The following GSDME variants were observed in gnomAD, a reference collection of about 807,000 sequenced individuals.
The protein encoded by GSDME is gasdermin E, also known as gasdermin-E.
A neutral mutation model predicts 47.5 loss-of-function variants in GSDME; 44 were observed. The ratio of observed to expected loss-of-function variants is 0.93; its 90% confidence interval spans 0.73 to 1.19. The LOEUF (loss-of-function observed/expected upper bound fraction) is 1.19. GSDME is among the 50% of genes most tolerant of loss of function. The probability of loss-of-function intolerance (pLI) is 0.00; values close to 1 mark genes in which losing one functional copy is unlikely to be tolerated. For synonymous variants in GSDME, 258 were observed against 252.8 expected (o/e 1.02, Z -0.20); for missense variants, 663 against 604.2 (o/e 1.10, Z -1.02).
intron 2 of GSDME, among the ~76,000 whole-genome samples, chr7:24,748,722 G>A (rs570004285): frequency 3.3e-4 from 50 of 152,056 alleles, no homozygotes; most frequent in South Asian, 1.0e-3. Flanking sequence ...GAGATTCCAG[G>A]TGCTCTGTCC....
rs1367115816 is a variant in GSDME at position 24,721,776 on chromosome 7, C to G, written c.405-2558G>C. 6.6e-6 allele frequency among the ~76,000 whole-genome samples: 1 copy of G among 152,186 alleles called. No homozygotes were observed. The highest frequency in any genetic ancestry group is 2.4e-5 in the African/African-American group (1 of 41,444). On this transcript the variant is annotated intron_variant, in intron 3 of 9. Coordinates refer to ENST00000645220, the MANE Select transcript of GSDME (RefSeq NM_001127453.2). This position sits in a 1 kb window ranked among gnomAD's most constrained non-coding sequence, Gnocchi z 4.1. ...CTCCCTTCTTAAAAGCCTTCAATGG[C>G]TATATCCCATGTCCAGTGCGTTCCC...
At chr7:24,700,682 A>G (rs1164778911) in intron 9 of GSDME, among the ~76,000 whole-genome samples, 2 of 152,218 alleles carry the variant, frequency 1.3e-5, no homozygotes, top group Non-Finnish European at 2.9e-5. Context: ...TACAACTCAC[A>G]CAATGTAACC....
rs149368687 is a variant in GSDME, at chr7:24,748,144, G to GTATA, written c.211+1416_211+1419dup. On this transcript the variant is annotated intron_variant, in intron 2 of 9. Transcript: ENST00000645220. Reference sequence around the variant, plus strand: ...AAGGAGTGTATAAAAATTATATAGAGTATATATATATATATATATATATAT... The same window carrying GTATA: ...AAGGAGTGTATAAAAATTATATAGAGTATATATATATATATATATATATATATAT... Among the ~76,000 whole-genome samples the GTATA allele has an allele frequency of 6.5e-3, 923 of 140,934 alleles. 4 individuals carry two copies. Among genetic ancestry groups the GTATA allele is most frequent in the Non-Finnish European group, 0.011 (717 of 65,428 alleles). The allele number at this position is 140,934 out of a possible 152,430, so 92.5% of individuals were successfully genotyped here. A position where few individuals can be genotyped will look rare whatever the true frequency, so the allele number is the denominator to read the frequency against.
the GSDME span, among the ~76,000 whole-genome samples, chr7:24,770,105 T>C: frequency 6.6e-6 from 1 of 152,162 alleles, no homozygotes; most frequent in Admixed American, 6.5e-5. The surrounding 1 kb of genome is among the most constrained non-coding windows in gnomAD (Gnocchi z 4.6). Flanking sequence ...GTTGGAACTT[T>C]CAGCCCTACA....
the GSDME span, among the ~76,000 whole-genome samples, chr7:24,788,689 T>C: frequency 6.6e-6 from 1 of 152,360 alleles, no homozygotes. This position sits in a 1 kb window ranked among gnomAD's most constrained non-coding sequence, Gnocchi z 4.6. Flanking sequence ...AACTAATGGC[T>C]TGGAACTTAT....
At chr7:24,703,200 A>T in intron 8 of GSDME, 1 of 348,848 alleles carries the variant, frequency 2.9e-6, no homozygotes, top group South Asian at 2.3e-5. Context: ...TTCAGGCTGC[A>T]GCCTCAGGTA....
At position 24,744,683 on chromosome 7, in the gene GSDME, C is replaced by G; in HGVS notation, c.283G>C (p.Ala95Pro). 1.2e-6 allele frequency: 2 copies of G among 1,614,204 alleles called. No individual in the cohort carries two copies. Among genetic ancestry groups the G allele is most frequent in the South Asian group, 2.2e-5 (2 of 91,090 alleles). Reference sequence around the variant, plus strand: ...AGGTTCAGCTTGACCTTCCCCAGTGCAGTCTCCAGGGTTCCACTCACGTGG... The same window carrying G: ...AGGTTCAGCTTGACCTTCCCCAGTGGAGTCTCCAGGGTTCCACTCACGTGG... ...ANHVSGTLET[A>P]LGKVKLNLGG... is the part of the protein sequence containing the mutation. The change falls in exon 3 of 10, where the codon GCA (alanine) becomes CCA (proline). Residue 95 changes from alanine (A) to proline (P), a missense_variant. Coordinates refer to ENST00000645220, the MANE Select transcript of GSDME (RefSeq NM_001127453.2). The surrounding 1 kb of genome is among the most constrained non-coding windows in gnomAD (Gnocchi z 4.5).
chr7:24,768,517 G>A, the GSDME span, among the ~76,000 whole-genome samples: 1 of 152,084 alleles, frequency 6.6e-6, no homozygotes, highest in African/African-American at 2.4e-5. The surrounding 1 kb of genome is among the most constrained non-coding windows in gnomAD (Gnocchi z 5.6). Context: ...TTAGTCCTTG[G>A]GACCCATTCA....
chr7:24,776,000 T>G, the GSDME span, among the ~76,000 whole-genome samples: 1 of 147,994 alleles, frequency 6.8e-6, no homozygotes, highest in African/African-American at 2.5e-5. Context: ...ACCAACATGG[T>G]GAAACCTCGT....
the GSDME span, among the ~76,000 whole-genome samples, chr7:24,777,330 A>T: frequency 6.6e-6 from 1 of 152,124 alleles, no homozygotes; most frequent in Non-Finnish European, 1.5e-5. Flanking sequence ...CAGAGACCAC[A>T]CCCATGGGCT....
intron 3 of GSDME, among the ~76,000 whole-genome samples, chr7:24,730,204 C>A (rs1007203610): frequency 1.4e-4 from 22 of 152,188 alleles, no homozygotes; most frequent in African/African-American, 5.3e-4. Context: ...CATCTGCTCA[C>A]CTGAATTCTA....
At chr7:24,720,491 G>A (rs905186287) in intron 3 of GSDME, among the ~76,000 whole-genome samples, 7 of 152,186 alleles carry the variant, frequency 4.6e-5, no homozygotes, top group Non-Finnish European at 1.0e-4. Flanking sequence ...ACTGGAGTGA[G>A]TAGCTAGGAA....
the GSDME span, among the ~76,000 whole-genome samples, chr7:24,775,214 T>A: frequency 2.0e-5 from 3 of 152,184 alleles, no homozygotes; most frequent in Admixed American, 6.5e-5. Flanking sequence ...CTGAACTCTA[T>A]CGTAAGTCTA....
chr7:24,710,884 GTCTGCAGTTA>G (rs1789327743), intron 5 of GSDME, among the ~76,000 whole-genome samples: 2 of 152,128 alleles, frequency 1.3e-5, no homozygotes, highest in African/African-American at 4.8e-5. Flanking sequence ...AAATACTGAT[GTCTGCAGTTA>G]TATGAATGAA....
chr7:24,738,395 A>ATATC (rs1470284287), intron 3 of GSDME, among the ~76,000 whole-genome samples: 1 of 152,136 alleles, frequency 6.6e-6, no homozygotes, highest in Admixed American at 6.5e-5. Flanking sequence ...ATAAAATTAA[A>ATATC]TATCTACAAA....
rs1789887407 is a variant in GSDME at position 24,724,128 on chromosome 7, T to C, written c.405-4910A>G. On this transcript the variant is annotated intron_variant, in intron 3 of 9. Coordinates refer to ENST00000645220, the MANE Select transcript of GSDME (RefSeq NM_001127453.2). This position sits in a 1 kb window ranked among gnomAD's most constrained non-coding sequence, Gnocchi z 4.8. The stretch of plus-strand genomic sequence containing the variant: ...GGGGAGGGGCTTTTCACCTTTTCTC[T>C]TTTGACCTTTTGACATTTAAACCAT... 6.6e-6 allele frequency among the ~76,000 whole-genome samples: 1 copy of C among 151,962 alleles called. No homozygotes were observed. Among genetic ancestry groups the C allele is most frequent in the Non-Finnish European group, 1.5e-5 (1 of 68,006 alleles).
In GSDME at chr7:24,733,098, T is replaced by C. The variant is rs749851839; in HGVS notation, c.404+11464A>G. Among the ~76,000 whole-genome samples, 1 of 151,956 alleles carries C rather than the reference T, an allele frequency of 6.6e-6. No homozygotes were observed. Among genetic ancestry groups the C allele is most frequent in the Non-Finnish European group, 1.5e-5 (1 of 68,008 alleles). On this transcript the variant is annotated intron_variant, in intron 3 of 9. Transcript: ENST00000645220. This position sits in a 1 kb window ranked among gnomAD's most constrained non-coding sequence, Gnocchi z 4.3. ...GAATACCAGCTCAGCCACAGTAGGA[T>C]AGGGCACCAGGCAGAGTTGTGAGGC... is the stretch of plus-strand genomic sequence containing the variant.
chr7:24,711,249 G>C (rs1460146147), intron 5 of GSDME, among the ~76,000 whole-genome samples: 2 of 152,084 alleles, frequency 1.3e-5, no homozygotes, highest in Non-Finnish European at 2.9e-5. Context: ...TGTTCTTTTT[G>C]AGACAGAGTC....
the GSDME span, among the ~76,000 whole-genome samples, chr7:24,774,413 A>T: frequency 7.4e-5 from 11 of 149,454 alleles, no homozygotes; most frequent in Non-Finnish European, 1.3e-4. Flanking sequence ...CTCCCAAAAT[A>T]CTTCATGCTT....
Sources: gnomAD v4.1 joint callset for allele counts (sites outside exome capture counted in the v4.1 genomes callset) on GRCh38, gnomAD v4.1.1 for gene constraint, Gnocchi (gnomAD v3.1) non-coding constraint, MANE v1.5 for transcripts, NCBI Gene and HGNC (gene_info 2026-07-23, HGNC 2026-07-21) for gene names.